HRH1: variants seen among roughly 807,000 people sequenced by gnomAD.
HRH1 encodes histamine receptor H1.
In HRH1, 6 loss-of-function variants were observed where a neutral mutation model predicts 10.3. That is an observed-to-expected ratio of 0.58 (90% CI 0.32 to 1.15). HRH1 has a LOEUF of 1.15. Among genes scored for constraint, HRH1 ranks in the 50% most tolerant of loss-of-function variants. The probability of loss-of-function intolerance (pLI) is 0.05; values close to 1 mark genes in which losing one functional copy is unlikely to be tolerated. For synonymous variants in HRH1, 242 were observed against 236.7 expected (o/e 1.02, Z -0.21); for missense variants, 514 against 615.3 (o/e 0.84, Z 1.74).
At chr3:11,142,321 G>A (rs1484808251) in intron 1 of HRH1, among the ~76,000 whole-genome samples, 2 of 152,182 alleles carry the variant, frequency 1.3e-5, no homozygotes, top group African/African-American at 4.8e-5. Flanking sequence ...GGGCCCAGCT[G>A]CCTTATTTGC....
At chr3:11,240,722 G>A (rs1271770037) in intron 1 of HRH1, among the ~76,000 whole-genome samples, 3 of 152,202 alleles carry the variant, frequency 2.0e-5, no homozygotes, top group Non-Finnish European at 4.4e-5. Flanking sequence ...TTTGCAGTCT[G>A]CTCTGTTCAT....
chr3:11,211,481 A>T (rs1273324106), intron 1 of HRH1, among the ~76,000 whole-genome samples: 1 of 152,244 alleles, frequency 6.6e-6, no homozygotes, highest in African/African-American at 2.4e-5. Context: ...AGTGTTTCAT[A>T]ATCACAATTA....
chr3:11,174,525 G>A (rs1334355317), intron 1 of HRH1, among the ~76,000 whole-genome samples: 1 of 152,154 alleles, frequency 6.6e-6, no homozygotes, highest in Non-Finnish European at 1.5e-5. Context: ...TTTTGACATG[G>A]ACTTGTTTAG....
upstream of HRH1, among the ~76,000 whole-genome samples, chr3:11,152,132 CTCTT>C (rs1454993494): frequency 6.6e-6 from 1 of 152,188 alleles, no homozygotes; most frequent in Non-Finnish European, 1.5e-5. Flanking sequence ...ACTCCTTCAT[CTCTT>C]TGTTTTCTCA....
rs368362875 is a variant in HRH1, at chr3:11,214,824, CAG to C, written c.-35-44174_-35-44173del. On this transcript the variant is annotated intron_variant, in intron 1 of 1. Coordinates refer to ENST00000431010, the MANE Select transcript of HRH1 (RefSeq NM_001098212.2). ...CCCCAGTTGATTTGTTGTGGCTAAC[CAG>C]AGAGTTCTGATACTACAGTGTGGAT... Among the ~76,000 whole-genome samples the C allele has an allele frequency of 2.1e-3, 320 of 152,256 alleles. 2 individuals are homozygous for C. The highest frequency in any genetic ancestry group is 7.2e-3 in the African/African-American group (300 of 41,550).
At chr3:11,140,851 C>T (rs1355517025) in intron 1 of HRH1, among the ~76,000 whole-genome samples, 1 of 152,172 alleles carries the variant, frequency 6.6e-6, no homozygotes, top group East Asian at 1.9e-4. Flanking sequence ...GTGCAAAGTG[C>T]CAAGCCCTTA....
intron 1 of HRH1, among the ~76,000 whole-genome samples, chr3:11,258,664 C>A (rs892757866): frequency 6.6e-6 from 1 of 152,194 alleles, no homozygotes; most frequent in African/African-American, 2.4e-5. Flanking sequence ...AGCCCACCTT[C>A]CCAGAACATG....
intron 1 of HRH1, chr3:11,234,665 G>T: frequency 7.9e-7 from 1 of 1,268,154 alleles, no homozygotes; most frequent in Non-Finnish European, 1.2e-6. Flanking sequence ...TTCCCTTCCT[G>T]CCGGCAGTAG....
At chr3:11,252,703 T>C (rs559453608) in intron 1 of HRH1, 2 of 152,244 alleles carry the variant, frequency 1.3e-5, no homozygotes, top group African/African-American at 4.8e-5. Flanking sequence ...AAAGGCAGTA[T>C]TGGAGTGTTA....
chr3:11,168,319 T>C (rs1028887782), intron 1 of HRH1, among the ~76,000 whole-genome samples: 2 of 151,998 alleles, frequency 1.3e-5, no homozygotes, highest in Non-Finnish European at 2.9e-5. Flanking sequence ...ACTCGGCTCT[T>C]GTTCAGAAGA....
At chr3:11,210,657 G>A (rs890631801) in intron 1 of HRH1, among the ~76,000 whole-genome samples, 1 of 152,142 alleles carries the variant, frequency 6.6e-6, no homozygotes, top group Admixed American at 6.5e-5. Flanking sequence ...GTCAGGTGTG[G>A]TGGTGCGCAT....
At chr3:11,140,658 C>T (rs1936275203) in intron 1 of HRH1, among the ~76,000 whole-genome samples, 1 of 152,132 alleles carries the variant, frequency 6.6e-6, no homozygotes, top group Admixed American at 6.5e-5. Context: ...CTGTCATACC[C>T]TTAGCACTTG....
chr3:11,138,867 G>A (rs939791450), intron 1 of HRH1, among the ~76,000 whole-genome samples: 3 of 150,868 alleles, frequency 2.0e-5, no homozygotes, highest in African/African-American at 7.3e-5. Flanking sequence ...TAGAGACAGG[G>A]TTTTGCCATG....
In HRH1 at chr3:11,172,618, A is replaced by G. The variant is rs1937172686; in HGVS notation, c.-36+18064A>G. 2.6e-5 allele frequency among the ~76,000 whole-genome samples: 4 copies of G among 152,134 alleles called. 1 individual carries two copies. In the South Asian group the frequency reaches 8.3e-4, roughly 32 times the overall value. ...CTTACACCAGCCCCTGGGACCTGCT[A>G]AGGGACTCAGGACCCCCAGACCCAG... On this transcript the variant is annotated intron_variant, in intron 1 of 1. Coordinates refer to ENST00000431010, the MANE Select transcript of HRH1 (RefSeq NM_001098212.2).
intron 1 of HRH1, chr3:11,234,305 T>G: frequency 3.2e-6 from 5 of 1,576,742 alleles, no homozygotes; most frequent in South Asian, 2.3e-5. Flanking sequence ...GGGAGCTGTT[T>G]CTTCTGCTTG....
At chr3:11,246,009 C>T (rs1271761897) in intron 1 of HRH1, among the ~76,000 whole-genome samples, 3 of 152,012 alleles carry the variant, frequency 2.0e-5, no homozygotes, top group South Asian at 2.1e-4. Flanking sequence ...CTTACACATA[C>T]ACACATACAC....
intron 1 of HRH1, among the ~76,000 whole-genome samples, chr3:11,196,744 C>A (rs939769915): frequency 1.3e-5 from 2 of 151,994 alleles, no homozygotes; most frequent in Non-Finnish European, 2.9e-5. Flanking sequence ...TATCCCCAGT[C>A]ATATGTAGCT....
intron 1 of HRH1, among the ~76,000 whole-genome samples, chr3:11,207,028 C>T (rs866303155): frequency 5.3e-5 from 8 of 152,102 alleles, no homozygotes; most frequent in East Asian, 1.9e-4. Context: ...AGTTGAAGGA[C>T]GGATGGAAGT....
chr3:11,171,976 T>G (rs1937160142), intron 1 of HRH1, among the ~76,000 whole-genome samples: 1 of 152,256 alleles, frequency 6.6e-6, no homozygotes, highest in Non-Finnish European at 1.5e-5. Flanking sequence ...CTACTTGGTT[T>G]CTTCCATGAG....
Sources: gnomAD v4.1 joint callset for allele counts (sites outside exome capture counted in the v4.1 genomes callset) on GRCh38, gnomAD v4.1.1 for gene constraint, MANE v1.5 for transcripts, NCBI Gene and HGNC (gene_info 2026-07-23, HGNC 2026-07-21) for gene names.